DCUN1D4: variants seen among roughly 807,000 people sequenced by gnomAD.
DCUN1D4 encodes the protein DCN1-like protein 4.
In DCUN1D4, 22 loss-of-function variants were observed where a neutral mutation model predicts 47.9. That is an observed-to-expected ratio of 0.46 (90% confidence interval 0.33 to 0.66). The LOEUF is 0.66. DCUN1D4 is among the 30% of genes least tolerant of loss of function. The pLI is 0.02. For missense variants in DCUN1D4, 301 were observed against 340.8 expected (o/e 0.88, Z 0.92); for synonymous variants, 121 against 112.2 (o/e 1.08, Z -0.50).
At chr4:51,843,490 G>C (rs888643925) in intron 1 of DCUN1D4, 1 of 1,276,906 alleles carries the variant, frequency 7.8e-7, no homozygotes, top group Non-Finnish European at 9.9e-7. Context: ...CGGGGAGGGC[G>C]GAGGTGAGGG....
Position 51,914,689 on chromosome 4 carries a change from A to G in DCUN1D4, c.*1105A>G, listed in dbSNP as rs1417878353. 6.6e-6 allele frequency: 1 copy of G among 152,566 alleles called. No homozygotes were observed. Among genetic ancestry groups the G allele is most frequent in the African/African-American group, 2.4e-5 (1 of 41,442 alleles). The allele number at this position is 152,566 out of a possible 1,614,324, so 9.5% of individuals were successfully genotyped here. A position where few individuals can be genotyped will look rare whatever the true frequency, so the allele number is the denominator to read the frequency against. ...ACCACCAGCATTGAGCTAACCCAGT[A>G]CATGCTAGGACCTGTCCTAGAGGGG... On this transcript the variant is annotated 3_prime_UTR_variant, in exon 11 of 11. Transcript: ENST00000334635.
rs1298302847 is a variant in DCUN1D4, at chr4:51,889,500, C to CT, written c.415-2254dup. Among the ~76,000 whole-genome samples, 5 of 152,230 alleles carry CT rather than the reference C, an allele frequency of 3.3e-5. No homozygotes were observed. The East Asian group carries it at 9.6e-4, about 29-fold the overall frequency. On this transcript the variant is annotated intron_variant, in intron 6 of 10. Coordinates refer to ENST00000334635, the MANE Select transcript of DCUN1D4 (RefSeq NM_001040402.3). ...CTTGTTAGTTAACTTATGAAAGTCT[C>CT]TTTTTTATGAACTTTCCCATTATGA...
intron 1 of DCUN1D4, among the ~76,000 whole-genome samples, chr4:51,850,332 A>G (rs1723180834): frequency 6.6e-6 from 1 of 152,112 alleles, no homozygotes; most frequent in Admixed American, 6.5e-5. Context: ...TTTCCAGTGG[A>G]TGGCTTTTCT....
chr4:51,902,034 G>T (rs913321115), intron 8 of DCUN1D4, among the ~76,000 whole-genome samples: 2 of 152,036 alleles, frequency 1.3e-5, no homozygotes, highest in Admixed American at 1.3e-4. Flanking sequence ...AGTTCACCTT[G>T]TGAATTCTTT....
the DCUN1D4 span, among the ~76,000 whole-genome samples, chr4:51,834,656 C>T: frequency 6.6e-6 from 1 of 152,044 alleles, no homozygotes; most frequent in African/African-American, 2.4e-5. Flanking sequence ...CCTTTACTCG[C>T]TGAGAATGGG....
the DCUN1D4 span, among the ~76,000 whole-genome samples, chr4:51,834,027 G>C: frequency 8.5e-6 from 1 of 117,056 alleles, no homozygotes; most frequent in East Asian, 2.9e-4. Context: ...TGAGCCATTT[G>C]TTTGTTAGGA....
intron 3 of DCUN1D4, among the ~76,000 whole-genome samples, 196 bp downstream of exon 3, chr4:51,863,905 C>T (rs930732466): frequency 6.6e-6 from 1 of 152,172 alleles, no homozygotes; most frequent in Admixed American, 6.5e-5. Context: ...CTTCTGGAAG[C>T]ACTTTTTAAT....
intron 1 of DCUN1D4, among the ~76,000 whole-genome samples, chr4:51,854,930 A>G (rs189510898): frequency 7.6e-4 from 116 of 152,304 alleles, no homozygotes; most frequent in African/African-American, 2.7e-3. Context: ...TGGATTAGGA[A>G]TGTTCAGCTG....
chr4:51,834,099 C>CTTTTTTTTTTTTTTTTTT, the DCUN1D4 span, among the ~76,000 whole-genome samples: 1 of 40,830 alleles, frequency 2.4e-5, no homozygotes, highest in Non-Finnish European at 4.0e-5. Flanking sequence ...TTCTTTTCTT[C>CTTTTTTTTTTTTTTTTTT]TTTCTTTTTT....
chr4:51,887,107 C>CTTTT, intron 6 of DCUN1D4: 1 of 389,592 alleles, frequency 2.6e-6, no homozygotes, highest in African/African-American at 2.2e-5. Context: ...GAAGTGATTG[C>CTTTT]TTTTTTTTTT....
intron 5 of DCUN1D4, among the ~76,000 whole-genome samples, chr4:51,885,857 G>GA (rs1342072002): frequency 1.3e-5 from 2 of 152,046 alleles, no homozygotes; most frequent in South Asian, 2.1e-4. Flanking sequence ...ACAGTTTTGT[G>GA]AAAAAAGAAC....
chr4:51,884,253 T>C (rs914060268), intron 5 of DCUN1D4: 1 of 152,138 alleles, frequency 6.6e-6, no homozygotes, highest in Non-Finnish European at 1.5e-5. Flanking sequence ...ACGTAAGACT[T>C]CCCAGCAGGA....
chr4:51,901,477 A>G (rs1732104695), intron 8 of DCUN1D4, among the ~76,000 whole-genome samples: 1 of 152,148 alleles, frequency 6.6e-6, no homozygotes, highest in Non-Finnish European at 1.5e-5. Flanking sequence ...AATTGCACTA[A>G]CGGTTGCTCA....
the DCUN1D4 span, among the ~76,000 whole-genome samples, chr4:51,836,020 A>C: frequency 1.3e-5 from 2 of 152,130 alleles, no homozygotes; most frequent in Non-Finnish European, 2.9e-5. Flanking sequence ...CAGCCCCCTA[A>C]CAGAATTCCC....
intron 6 of DCUN1D4, chr4:51,887,321 C>CT (rs1235054162): frequency 1.9e-5 from 6 of 313,382 alleles, no homozygotes; most frequent in African/African-American, 1.4e-4. Flanking sequence ...CCAGATGTCT[C>CT]TATCTCCTGA....
chr4:51,911,229 A>G, intron 9 of DCUN1D4, 55 bp downstream of exon 9: 1 of 1,467,006 alleles, frequency 6.8e-7, no homozygotes, highest in Non-Finnish European at 9.5e-7. Context: ...ACTACCAAAT[A>G]ACTTTATTCA....
chr4:51,841,473 C>T (rs965249549), upstream of DCUN1D4, among the ~76,000 whole-genome samples: 5 of 152,200 alleles, frequency 3.3e-5, no homozygotes, highest in South Asian at 1.0e-3. Flanking sequence ...TGGGGCCCCG[C>T]TGAGGTACTG....
chr4:51,847,887 C>T (rs1318837001), intron 1 of DCUN1D4, among the ~76,000 whole-genome samples: 2 of 152,160 alleles, frequency 1.3e-5, no homozygotes, highest in East Asian at 3.8e-4. Flanking sequence ...ACAATAGCTG[C>T]TTGTTTACTT....
intron 3 of DCUN1D4, among the ~76,000 whole-genome samples, chr4:51,871,332 T>C (rs1030240641): frequency 3.3e-5 from 5 of 152,212 alleles, no homozygotes; most frequent in South Asian, 2.1e-4. Flanking sequence ...AGTTAACTTA[T>C]GATGTTTGTG....
Sources: gnomAD v4.1 joint callset for allele counts (sites outside exome capture counted in the v4.1 genomes callset) on GRCh38, gnomAD v4.1.1 for gene constraint, MANE v1.5 for transcripts, NCBI Gene and HGNC (gene_info 2026-07-23, HGNC 2026-07-21) for gene names.